ARHGAP24: variants seen among roughly 807,000 people sequenced by gnomAD.
The protein encoded by ARHGAP24 is rho GTPase-activating protein 24.
ARHGAP24 carries 50 observed loss-of-function variants against 76.4 expected under a neutral mutation model. The ratio of observed to expected loss-of-function variants is 0.65; its 90% CI spans 0.52 to 0.83. ARHGAP24 has a LOEUF of 0.83. Among genes scored for constraint, ARHGAP24 ranks in the 40% least tolerant of loss-of-function variants. ARHGAP24 has a pLI of 0.00. For missense variants in ARHGAP24, 930 were observed against 914.2 expected (o/e 1.02, Z -0.22); for synonymous variants, 345 against 323.3 (o/e 1.07, Z -0.72).
rs759901809 is a variant in ARHGAP24, at chr4:86,000,561, A to C, written c.2086A>C (p.Met696Leu). The change falls in exon 10 of 10, where the codon ATG (methionine) becomes CTG (leucine). Residue 696 changes from methionine (M) to leucine (L), a missense_variant. Physicochemically the swap from Met to Leu is conservative, Grantham distance 15 (BLOSUM62 2). Transcript: ENST00000395184. Reference sequence around the variant, plus strand: ...GGATCAGGAGAGGAAAAAGTTCACAATGATAGAAATAAAAATGCGAAATGC... The same window carrying C: ...GGATCAGGAGAGGAAAAAGTTCACACTGATAGAAATAAAAATGCGAAATGC... ...ELDQERKKFT[M>L]IEIKMRNAER... The C allele has an allele frequency of 2.5e-6, 4 of 1,612,422 alleles. No homozygotes were observed. The highest frequency in any genetic ancestry group is 1.7e-5 in the Admixed American group (1 of 59,846).
At chr4:85,768,726 G>A (rs895657043) in intron 3 of ARHGAP24, among the ~76,000 whole-genome samples, 9 of 152,166 alleles carry the variant, frequency 5.9e-5, no homozygotes, top group Middle Eastern at 3.4e-3. Flanking sequence ...GCAGTGAGCT[G>A]AGATCGTGCC....
At chr4:85,734,184 G>A (rs1453347079) in intron 3 of ARHGAP24, among the ~76,000 whole-genome samples, 2 of 152,068 alleles carry the variant, frequency 1.3e-5, no homozygotes, top group African/African-American at 4.8e-5. Flanking sequence ...TAAAAATGAG[G>A]GCTGCCCAGG....
chr4:85,874,142 G>A (rs1007758707), intron 3 of ARHGAP24, among the ~76,000 whole-genome samples: 13 of 152,148 alleles, frequency 8.5e-5, no homozygotes, highest in Middle Eastern at 3.4e-3. Flanking sequence ...CAAAAACAAC[G>A]ATAACAATCT....
chr4:85,579,004 A>G (rs1476565519), intron 2 of ARHGAP24, among the ~76,000 whole-genome samples: 1 of 151,856 alleles, frequency 6.6e-6, no homozygotes, highest in Non-Finnish European at 1.5e-5. Flanking sequence ...TCAGAACAAT[A>G]CTCTCCTTTG....
intron 2 of ARHGAP24, among the ~76,000 whole-genome samples, chr4:85,677,850 T>C (rs1315927030): frequency 6.6e-6 from 1 of 152,158 alleles, no homozygotes; most frequent in African/African-American, 2.4e-5. Flanking sequence ...AAGAGCTGTT[T>C]CAGCCTGAAA....
At chr4:85,511,018 A>G (rs1724261586) in intron 1 of ARHGAP24, among the ~76,000 whole-genome samples, 1 of 152,236 alleles carries the variant, frequency 6.6e-6, no homozygotes, top group South Asian at 2.1e-4. Context: ...ATGGTAATTC[A>G]AATAAAGCCA....
At chr4:85,909,319 G>A (rs745967124) in intron 3 of ARHGAP24, among the ~76,000 whole-genome samples, 66 of 151,204 alleles carry the variant, frequency 4.4e-4, no homozygotes, top group Non-Finnish European at 6.6e-4. Context: ...TTAATTTGTG[G>A]TGTGTGTATG....
intron 3 of ARHGAP24, among the ~76,000 whole-genome samples, chr4:85,883,843 A>C (rs931946067): frequency 2.0e-5 from 3 of 152,284 alleles, no homozygotes; most frequent in Admixed American, 6.5e-5. Flanking sequence ...AGCAGAGTAT[A>C]GCTGCTTGTT....
chr4:85,495,509 C>T (rs1456691313), intron 1 of ARHGAP24, among the ~76,000 whole-genome samples: 1 of 106,080 alleles, frequency 9.4e-6, no homozygotes, highest in Non-Finnish European at 2.3e-5. Context: ...CGCCACCACG[C>T]CCAGCTAATT....
Position 85,570,694 on chromosome 4 carries a change from C to T in ARHGAP24, c.153C>T (p.Phe51=), listed in dbSNP as rs1283376712. ...TCAAGGGGGATCAGCTCTATTATTT[C>T]AAAGATGAAGATGAAACCAAGCCCT... ...FVLKGDQLYY[F]KDEDETKPLG... is the part of the protein sequence containing the mutation. Residue 51 remains phenylalanine, a synonymous_variant, in exon 2 of 10, where the codon TTC becomes TTT. Transcript: ENST00000395184. The T allele has an allele frequency of 6.2e-7, 1 of 1,613,986 alleles. No homozygotes were observed. Among genetic ancestry groups the T allele is most frequent in the Non-Finnish European group, 8.5e-7 (1 of 1,179,990 alleles).
intron 1 of ARHGAP24, among the ~76,000 whole-genome samples, chr4:85,553,657 G>T (rs753105030): frequency 6.6e-6 from 1 of 152,192 alleles, no homozygotes; most frequent in African/African-American, 2.4e-5. Flanking sequence ...AGACAGAAAA[G>T]TGGTCCAAGT....
At chr4:85,735,185 A>G (rs1725560265) in intron 3 of ARHGAP24, among the ~76,000 whole-genome samples, 1 of 152,192 alleles carries the variant, frequency 6.6e-6, no homozygotes, top group South Asian at 2.1e-4. Flanking sequence ...GTTTTCATTT[A>G]AAAAGCAAAT....
At chr4:85,638,834 C>G (rs1721417096) in intron 2 of ARHGAP24, among the ~76,000 whole-genome samples, 1 of 152,152 alleles carries the variant, frequency 6.6e-6, no homozygotes, top group South Asian at 2.1e-4. Context: ...TAAGGAGATG[C>G]TAGTGAGCAA....
intron 3 of ARHGAP24, among the ~76,000 whole-genome samples, chr4:85,728,771 C>T (rs1209475647): frequency 6.6e-6 from 1 of 152,052 alleles, no homozygotes; most frequent in Non-Finnish European, 1.5e-5. Flanking sequence ...AAAGTTTGGC[C>T]AATTTTTGAG....
intron 2 of ARHGAP24, among the ~76,000 whole-genome samples, chr4:85,585,950 A>G (rs1727841038): frequency 6.6e-6 from 1 of 152,178 alleles, no homozygotes; most frequent in African/African-American, 2.4e-5. Context: ...TCATTGGAGC[A>G]ACAATTTCTG....
At chr4:85,930,788 C>G in intron 4 of ARHGAP24, 1 of 1,467,110 alleles carries the variant, frequency 6.8e-7, no homozygotes. Flanking sequence ...AAGCCAGGAC[C>G]TGGATGATCA....
chr4:85,901,071 A>G (rs1047094105), intron 3 of ARHGAP24, among the ~76,000 whole-genome samples: 6 of 152,160 alleles, frequency 3.9e-5, no homozygotes, highest in African/African-American at 7.2e-5. Context: ...TATCAATTTG[A>G]AACATTTAAT....
intron 3 of ARHGAP24, among the ~76,000 whole-genome samples, chr4:85,839,579 T>C (rs1461351787): frequency 6.6e-6 from 1 of 151,596 alleles, no homozygotes; most frequent in Admixed American, 6.6e-5. Flanking sequence ...GCCTCCCGAG[T>C]AGCTGGGACT....
chr4:85,498,085 T>A (rs1001330448), intron 1 of ARHGAP24, among the ~76,000 whole-genome samples: 5 of 152,214 alleles, frequency 3.3e-5, no homozygotes, highest in Admixed American at 3.3e-4. Context: ...CACAAGCTAA[T>A]AGTTTATTTT....
Sources: allele counts gnomAD v4.1 joint callset (sites outside exome capture counted in the v4.1 genomes callset), GRCh38; gene constraint gnomAD v4.1.1; transcripts MANE v1.5; gene names NCBI Gene and HGNC (gene_info 2026-07-23, HGNC 2026-07-21).